The following TENM4 variants were observed in gnomAD, a reference collection of about 807,000 sequenced individuals.
TENM4 encodes the protein teneurin transmembrane protein 4.
A neutral mutation model predicts 243.3 loss-of-function variants in TENM4; 82 were observed. The observed-to-expected ratio is 0.34, with a 90% confidence interval of 0.28 to 0.40. The LOEUF (loss-of-function observed/expected upper bound fraction) is 0.40, where lower values mean the gene tolerates loss of function less well. Among genes scored for constraint, TENM4 ranks in the 10% least tolerant of loss-of-function variants. The probability of loss-of-function intolerance (pLI) is 1.00; values close to 1 mark genes in which losing one functional copy is unlikely to be tolerated. For missense variants in TENM4, 3,138 were observed against 3,673.3 expected, an observed-to-expected ratio of 0.85 and a Z score of 3.77; for synonymous variants, 1,412 against 1,456.3, an observed-to-expected ratio of 0.97 and a Z score of 0.69.
chr11:79,278,080 AAG>A lies in TENM4; in HGVS notation c.-265+19406_-265+19407del, dbSNP rs3842565. ...GTTTCTCAAGTTCACTCAGAGAAGA[AAG>A]AGAAAGCAGATTTGAGAGAGAGCGT... is the stretch of plus-strand genomic sequence containing the variant. On this transcript the variant is annotated intron_variant, in intron 2 of 33. Transcript: ENST00000278550. Among the ~76,000 whole-genome samples, 13 of 152,232 alleles carry A rather than the reference AAG, an allele frequency of 8.5e-5. No individual in the cohort carries two copies. The East Asian group carries it at 2.5e-3, about 29-fold the overall frequency.
At chr11:79,310,874 C>T (rs938185708) in intron 1 of TENM4, among the ~76,000 whole-genome samples, 5 of 152,154 alleles carry the variant, frequency 3.3e-5, no homozygotes, top group African/African-American at 4.8e-5. Context: ...GCCTGAAGCC[C>T]CCACTCACTA....
intron 2 of TENM4, among the ~76,000 whole-genome samples, chr11:79,224,717 G>A (rs113446520): frequency 0.026 from 3,992 of 152,280 alleles, 202 homozygotes; most frequent in African/African-American, 0.091. Flanking sequence ...TTGGGAGGCC[G>A]AGGCAGGTGG....
At chr11:78,915,130 C>T (rs1481456174) in intron 6 of TENM4, among the ~76,000 whole-genome samples, 1 of 152,220 alleles carries the variant, frequency 6.6e-6, no homozygotes, top group African/African-American at 2.4e-5. Flanking sequence ...GTTAATTAGA[C>T]ACCACTCATG....
At position 79,046,442 on chromosome 11, in the gene TENM4, ACT is replaced by A. The variant is rs1267943749; in HGVS notation, c.493+18294_493+18295del. On this transcript the variant is annotated intron_variant, in intron 6 of 33. Coordinates refer to ENST00000278550, the MANE Select transcript of TENM4 (RefSeq NM_001098816.3). ...GTGCTTGGCATCTGTTATGGGATGA[ACT>A]CTCCCCCCCAAAAAAACGACAAGTT... 7.3e-5 allele frequency among the ~76,000 whole-genome samples: 11 copies of A among 150,252 alleles called. No individual in the cohort carries two copies. In the South Asian group the frequency reaches 2.1e-3, roughly 28 times the overall value.
At chr11:79,415,105 G>A (rs1858785264) in intron 1 of TENM4, among the ~76,000 whole-genome samples, 1 of 152,194 alleles carries the variant, frequency 6.6e-6, no homozygotes, top group Non-Finnish European at 1.5e-5. Context: ...TCTGTAAGAT[G>A]ACAGGGTTGC....
chr11:78,720,385 T>G lies in TENM4; in HGVS notation c.3806A>C (p.Lys1269Thr), dbSNP rs777067345. 3 of 1,613,786 alleles carry G rather than the reference T, an allele frequency of 1.9e-6. No individual in the cohort carries two copies. Among genetic ancestry groups the G allele is most frequent in the South Asian group, 2.2e-5 (2 of 91,074 alleles). ...NVTNILELRN[K>T]DFRHSHSPAH... ...GTTGGCTTACCTATGTCTGAAATCT[T>G]TATTTCTGACAGAAGACAGGAGAGC... Residue 1269 changes from lysine to threonine, a missense_variant, in exon 25 of 34, where the codon AAA becomes ACA. Transcript: ENST00000278550.
chr11:78,964,423 G>T (rs1012040913), intron 6 of TENM4, among the ~76,000 whole-genome samples: 1 of 152,136 alleles, frequency 6.6e-6, no homozygotes, highest in Non-Finnish European at 1.5e-5. Flanking sequence ...TGTGCCACTT[G>T]GCTGGTTGAT....
At chr11:78,730,577 C>T (rs1855638828) in intron 21 of TENM4, among the ~76,000 whole-genome samples, 3 of 152,058 alleles carry the variant, frequency 2.0e-5, no homozygotes, top group African/African-American at 7.2e-5. Flanking sequence ...TGCAATGAGC[C>T]TAGTTCTAAG....
intron 1 of TENM4, among the ~76,000 whole-genome samples, chr11:79,360,573 T>G (rs1857572551): frequency 6.6e-6 from 1 of 152,166 alleles, no homozygotes; most frequent in Non-Finnish European, 1.5e-5. Context: ...GGCTGAAAAT[T>G]GTCATTTGTG....
At chr11:79,370,282 TG>T (rs1857756554) in intron 1 of TENM4, among the ~76,000 whole-genome samples, 1 of 152,174 alleles carries the variant, frequency 6.6e-6, no homozygotes, top group Non-Finnish European at 1.5e-5. Flanking sequence ...CAGCACAGGC[TG>T]TCACCTTCTT....
chr11:78,909,604 C>T (rs1201534839), intron 6 of TENM4, among the ~76,000 whole-genome samples: 3 of 152,206 alleles, frequency 2.0e-5, no homozygotes, highest in Non-Finnish European at 4.4e-5. Flanking sequence ...TAATTCTTAT[C>T]GGCATACGCC....
intron 32 of TENM4, among the ~76,000 whole-genome samples, chr11:78,666,111 C>T (rs1858153804): frequency 6.6e-6 from 1 of 152,086 alleles, no homozygotes; most frequent in Non-Finnish European, 1.5e-5. Context: ...TACCTGGATG[C>T]TAAGAGGTAA....
At chr11:78,815,408 C>T (rs1194902193) in intron 12 of TENM4, among the ~76,000 whole-genome samples, 1 of 152,024 alleles carries the variant, frequency 6.6e-6, no homozygotes, top group Non-Finnish European at 1.5e-5. Flanking sequence ...AGTTTTCTTT[C>T]CTATTCCTTC....
chr11:79,002,490 C>A (rs940582893), intron 6 of TENM4, among the ~76,000 whole-genome samples: 3 of 152,192 alleles, frequency 2.0e-5, no homozygotes, highest in Non-Finnish European at 4.4e-5. Flanking sequence ...GGCAGGGGCC[C>A]AGTACTAGTT....
chr11:78,761,056 TA>T (rs1856419973), intron 18 of TENM4, among the ~76,000 whole-genome samples: 2 of 152,196 alleles, frequency 1.3e-5, no homozygotes, highest in Non-Finnish European at 2.9e-5. Context: ...ATTCATTTTA[TA>T]GCCTTTTTCA....
chr11:79,415,000 C>T (rs1314864178), intron 1 of TENM4, among the ~76,000 whole-genome samples: 1 of 152,228 alleles, frequency 6.6e-6, no homozygotes, highest in Non-Finnish European at 1.5e-5. Context: ...CAGGGGCAAG[C>T]ATGCTGACTG....
At chr11:78,894,139 C>T (rs1045508698) in intron 7 of TENM4, among the ~76,000 whole-genome samples, 3 of 152,188 alleles carry the variant, frequency 2.0e-5, no homozygotes, top group African/African-American at 7.2e-5. Context: ...AAGATGGCAG[C>T]AGAAGGCATT....
chr11:78,773,925 C>G (rs1386476370), intron 17 of TENM4, among the ~76,000 whole-genome samples: 1 of 152,142 alleles, frequency 6.6e-6, no homozygotes, highest in Non-Finnish European at 1.5e-5. Flanking sequence ...TTTTCTAGGG[C>G]AGATCCAATT....
At chr11:79,352,683 C>G (rs952352916) in intron 1 of TENM4, among the ~76,000 whole-genome samples, 58 of 152,150 alleles carry the variant, frequency 3.8e-4, no homozygotes, top group African/African-American at 1.2e-3. Flanking sequence ...TGCCGGCCAG[C>G]TGTGGAGTCC....
Sources: allele counts gnomAD v4.1 joint callset (sites outside exome capture counted in the v4.1 genomes callset), GRCh38; gene constraint gnomAD v4.1.1; transcripts MANE v1.5; gene names NCBI Gene and HGNC (gene_info 2026-07-23, HGNC 2026-07-21).